The following TENM3 variants were observed in gnomAD, a reference collection of about 807,000 sequenced individuals.
TENM3 encodes teneurin transmembrane protein 3, also known as teneurin-3.
TENM3 carries 63 observed loss-of-function variants against 255.1 expected under a neutral mutation model. The ratio of observed to expected loss-of-function variants is 0.25; its 90% confidence interval spans 0.20 to 0.30. TENM3 has a LOEUF of 0.30. TENM3 is among the 10% of genes least tolerant of loss of function. The pLI, the probability that TENM3 is intolerant of heterozygous loss-of-function variation, is 1.00. For synonymous variants in TENM3, 1,306 were observed against 1,322.3 expected (o/e 0.99, Z 0.27); for missense variants, 2,929 against 3,461.1 (o/e 0.85, Z 3.86).
the TENM3 span, among the ~76,000 whole-genome samples, chr4:181,683,381 C>T: frequency 6.6e-6 from 1 of 152,084 alleles, no homozygotes; most frequent in African/African-American, 2.4e-5. Context: ...TAGGTGGACT[C>T]CTAGATTATG....
At chr4:181,541,689 C>T in the TENM3 span, among the ~76,000 whole-genome samples, 1 of 152,214 alleles carries the variant, frequency 6.6e-6, no homozygotes, top group East Asian at 1.9e-4. Flanking sequence ...CTTAACTACG[C>T]TCTTTCCAGG....
At chr4:181,762,758 C>T in the TENM3 span, among the ~76,000 whole-genome samples, 1 of 152,102 alleles carries the variant, frequency 6.6e-6, no homozygotes, top group Non-Finnish European at 1.5e-5. Flanking sequence ...ACAACCTGAA[C>T]CAATCACTGT....
At chr4:182,436,427 G>T (rs1772051509) in intron 3 of TENM3, among the ~76,000 whole-genome samples, 1 of 152,180 alleles carries the variant, frequency 6.6e-6, no homozygotes, top group South Asian at 2.1e-4. Flanking sequence ...TTCCTTTTAG[G>T]TTGCAGCATT....
chr4:182,624,673 C>G (rs1750657901), intron 4 of TENM3, among the ~76,000 whole-genome samples: 1 of 152,180 alleles, frequency 6.6e-6, no homozygotes, highest in Non-Finnish European at 1.5e-5. Flanking sequence ...CACTCTATTT[C>G]ACTCAGCAGT....
the TENM3 span, among the ~76,000 whole-genome samples, chr4:181,817,619 C>T: frequency 3.9e-5 from 6 of 152,230 alleles, no homozygotes; most frequent in South Asian, 2.1e-4. Context: ...GGAAAGTGAT[C>T]GGGTTACAAA....
At chr4:182,589,025 A>T (rs1172610622) in intron 3 of TENM3, among the ~76,000 whole-genome samples, 2 of 152,220 alleles carry the variant, frequency 1.3e-5, no homozygotes, top group Non-Finnish European at 1.5e-5. Context: ...TAACAAGAAG[A>T]GAATAGCAGA....
At chr4:181,897,818 T>C in the TENM3 span, among the ~76,000 whole-genome samples, 2 of 152,356 alleles carry the variant, frequency 1.3e-5, no homozygotes, top group African/African-American at 4.8e-5. Flanking sequence ...TTCAGCATTA[T>C]CTGATCAATA....
intron 1 of TENM3, among the ~76,000 whole-genome samples, chr4:182,232,318 T>G (rs897927798): frequency 1.3e-5 from 2 of 152,136 alleles, no homozygotes; most frequent in African/African-American, 4.8e-5. Flanking sequence ...AGGGAAGAGG[T>G]ACTGGAGCAC....
At chr4:181,918,003 T>C in the TENM3 span, among the ~76,000 whole-genome samples, 1 of 152,182 alleles carries the variant, frequency 6.6e-6, no homozygotes. Flanking sequence ...TTTGTTATTA[T>C]ATTTTCTTAG....
At chr4:182,110,153 G>A in the TENM3 span, among the ~76,000 whole-genome samples, 1 of 150,870 alleles carries the variant, frequency 6.6e-6, no homozygotes, top group Non-Finnish European at 1.5e-5. Flanking sequence ...ACAGTTCAGT[G>A]TCCATGAATA....
intron 1 of TENM3, among the ~76,000 whole-genome samples, chr4:182,174,307 A>T (rs1046975708): frequency 6.6e-6 from 1 of 151,870 alleles, no homozygotes; most frequent in Admixed American, 6.6e-5. Context: ...TAATTTATAT[A>T]CAGCATTAAC....
At chr4:181,944,733 C>G in the TENM3 span, among the ~76,000 whole-genome samples, 2 of 152,168 alleles carry the variant, frequency 1.3e-5, no homozygotes, top group East Asian at 3.9e-4. Flanking sequence ...TTTGTGTGAA[C>G]AGCTGCTTGC....
At chr4:182,538,347 C>G (rs936157660) in intron 3 of TENM3, among the ~76,000 whole-genome samples, 2 of 152,152 alleles carry the variant, frequency 1.3e-5, no homozygotes, top group African/African-American at 4.8e-5. Flanking sequence ...AAATAAATGT[C>G]AAGTCACCAC....
chr4:181,578,967 G>A, the TENM3 span, among the ~76,000 whole-genome samples: 17 of 152,090 alleles, frequency 1.1e-4, 1 homozygote, highest in Non-Finnish European at 1.6e-4. Context: ...CATGCAAACC[G>A]CTGGAAAAGC....
chr4:182,253,569 G>A (rs1481362294), intron 1 of TENM3, among the ~76,000 whole-genome samples: 1 of 152,074 alleles, frequency 6.6e-6, no homozygotes, highest in Non-Finnish European at 1.5e-5. Flanking sequence ...TATATGGAAG[G>A]CATACTTCAG....
At chr4:181,648,191 A>G in the TENM3 span, among the ~76,000 whole-genome samples, 1 of 152,118 alleles carries the variant, frequency 6.6e-6, no homozygotes, top group Admixed American at 6.6e-5. Flanking sequence ...TATGGTAATT[A>G]TTATGTCCGC....
chr4:181,902,517 C>T, the TENM3 span, among the ~76,000 whole-genome samples: 1 of 152,124 alleles, frequency 6.6e-6, no homozygotes, highest in African/African-American at 2.4e-5. Context: ...GACTTGGAAC[C>T]AACCCAAATG....
At chr4:182,298,993 A>AAAAAAAAAAAAAAAAAAAAAAAAC in intron 1 of TENM3, among the ~76,000 whole-genome samples, 1 of 95,924 alleles carries the variant, frequency 1.0e-5, no homozygotes, top group Non-Finnish European at 2.0e-5. Flanking sequence ...TCAAAAAAAA[A>AAAAAAAAAAAAAAAAAAAAAAAAC]AAAAAAAAAA....
At chr4:182,362,532 C>A (rs544675803) in intron 3 of TENM3, among the ~76,000 whole-genome samples, 1 of 149,262 alleles carries the variant, frequency 6.7e-6, no homozygotes, top group Admixed American at 6.7e-5. Context: ...GAGCCATGTG[C>A]GGGATATAAT....
Sources: gnomAD v4.1 joint callset for allele counts (sites outside exome capture counted in the v4.1 genomes callset) on GRCh38, gnomAD v4.1.1 for gene constraint, MANE v1.5 for transcripts, NCBI Gene and HGNC (gene_info 2026-07-23, HGNC 2026-07-21) for gene names.